Variants in RASGRF2 observed in about 807,000 individuals in gnomAD.
RASGRF2 encodes the protein Ras protein specific guanine nucleotide releasing factor 2.
Under a neutral mutation model 151.0 loss-of-function variants are expected in RASGRF2, and 76 were observed. That is an observed-to-expected ratio of 0.50 (90% CI 0.42 to 0.61). The LOEUF (loss-of-function observed/expected upper bound fraction) is 0.61. Ranked by LOEUF, RASGRF2 falls within the 20% of genes least tolerant of loss-of-function variation. The pLI, the probability that RASGRF2 is intolerant of heterozygous loss-of-function variation, is 0.00. For synonymous variants in RASGRF2, 504 were observed against 566.5 expected, an observed-to-expected ratio of 0.89 and a Z score of 1.57; for missense variants, 1,148 against 1,564.6, an observed-to-expected ratio of 0.73 and a Z score of 4.49.
chr5:81,049,680 C>G (rs1750948183), intron 2 of RASGRF2, among the ~76,000 whole-genome samples: 1 of 152,084 alleles, frequency 6.6e-6, no homozygotes, highest in Non-Finnish European at 1.5e-5. Context: ...TGCTAAATAC[C>G]ATGCTATGTG....
At chr5:81,186,651 A>T (rs1281028180) in intron 18 of RASGRF2, among the ~76,000 whole-genome samples, 1 of 152,190 alleles carries the variant, frequency 6.6e-6, no homozygotes, top group East Asian at 1.9e-4. Flanking sequence ...CACAATTAAC[A>T]AATAAATATA....
At chr5:81,193,622 T>A (rs1234795719) in intron 18 of RASGRF2, among the ~76,000 whole-genome samples, 4 of 152,320 alleles carry the variant, frequency 2.6e-5, no homozygotes, top group African/African-American at 9.6e-5. Flanking sequence ...TTCAAGTGCT[T>A]TTCCTGCCTC....
At chr5:81,171,427 C>T (rs1303178412) in intron 17 of RASGRF2, among the ~76,000 whole-genome samples, 1 of 152,070 alleles carries the variant, frequency 6.6e-6, no homozygotes, top group Non-Finnish European at 1.5e-5. Flanking sequence ...TAACTAATGC[C>T]CCATCAAGGA....
chr5:81,107,215 AT>A (rs1438013954), intron 12 of RASGRF2, among the ~76,000 whole-genome samples: 3 of 151,102 alleles, frequency 2.0e-5, no homozygotes, highest in East Asian at 3.9e-4. Flanking sequence ...AAAAAAAAAA[AT>A]CTCACTGTGG....
intron 15 of RASGRF2, among the ~76,000 whole-genome samples, chr5:81,116,080 T>TTTTTC (rs1753146777): frequency 9.5e-6 from 1 of 104,974 alleles, no homozygotes; most frequent in Non-Finnish European, 1.9e-5. Context: ...TTTTTTTTTT[T>TTTTTC]TTTTTTTTTT....
chr5:81,190,543 A>C (rs1241948642), intron 18 of RASGRF2, among the ~76,000 whole-genome samples: 1 of 152,250 alleles, frequency 6.6e-6, no homozygotes, highest in African/African-American at 2.4e-5. Context: ...CTCTCTGGAA[A>C]ATATGAAATG....
intron 1 of RASGRF2, among the ~76,000 whole-genome samples, chr5:80,990,813 T>C (rs929249687): frequency 1.3e-5 from 2 of 152,192 alleles, no homozygotes; most frequent in Non-Finnish European, 2.9e-5. Context: ...CAAATGTCCA[T>C]TGTACACTAG....
At chr5:81,081,466 G>A (rs888750697) in intron 7 of RASGRF2, among the ~76,000 whole-genome samples, 9 of 152,170 alleles carry the variant, frequency 5.9e-5, no homozygotes, top group African/African-American at 2.2e-4. Flanking sequence ...TTACCGTTAA[G>A]CGCCCAGAAG....
intron 1 of RASGRF2, among the ~76,000 whole-genome samples, chr5:81,035,779 A>G (rs940284782): frequency 2.0e-5 from 3 of 152,154 alleles, no homozygotes; most frequent in African/African-American, 7.2e-5. Flanking sequence ...TAAGGCATAC[A>G]GACAGTGGAT....
At chr5:81,174,302 A>G (rs1754724117) in intron 17 of RASGRF2, among the ~76,000 whole-genome samples, 1 of 152,232 alleles carries the variant, frequency 6.6e-6, no homozygotes, top group Admixed American at 6.5e-5. Context: ...TGTCATTAAT[A>G]TGGACATGTC....
At chr5:81,035,066 G>C (rs925317457) in intron 1 of RASGRF2, among the ~76,000 whole-genome samples, 2 of 152,062 alleles carry the variant, frequency 1.3e-5, no homozygotes, top group Non-Finnish European at 2.9e-5. Flanking sequence ...ATTCCTCAAG[G>C]ATCTAGAACT....
intron 18 of RASGRF2, among the ~76,000 whole-genome samples, chr5:81,195,481 A>G (rs532757225): frequency 1.3e-5 from 2 of 152,070 alleles, no homozygotes; most frequent in East Asian, 3.9e-4. Flanking sequence ...CCAATTCTGT[A>G]TTTTACATGC....
At chr5:81,216,404 G>GC (rs1755741630) in intron 24 of RASGRF2, among the ~76,000 whole-genome samples, 1 of 118,566 alleles carries the variant, frequency 8.4e-6, no homozygotes, top group Non-Finnish European at 1.9e-5. Flanking sequence ...CACACGCAGA[G>GC]AGAGAGAGAG....
chr5:81,049,118 C>T (rs1188921050), intron 2 of RASGRF2, among the ~76,000 whole-genome samples: 1 of 143,876 alleles, frequency 7.0e-6, no homozygotes, highest in Non-Finnish European at 1.5e-5. Context: ...ATATTTAATA[C>T]TTACTTTTGA....
intron 1 of RASGRF2, among the ~76,000 whole-genome samples, chr5:80,991,529 G>T (rs1283648968): frequency 6.6e-6 from 1 of 152,102 alleles, no homozygotes; most frequent in Non-Finnish European, 1.5e-5. Flanking sequence ...ACAGGACTTT[G>T]ACCTTTTTCA....
At chr5:81,070,618 G>T (rs1181190953) in intron 4 of RASGRF2, 37 bp downstream of exon 4, 1 of 1,522,438 alleles carries the variant, frequency 6.6e-7, no homozygotes. Flanking sequence ...TAGGAGCATG[G>T]TGACCAGTCG....
chr5:80,988,946 A>G (rs1469634822), intron 1 of RASGRF2, among the ~76,000 whole-genome samples: 5 of 152,098 alleles, frequency 3.3e-5, no homozygotes, highest in Non-Finnish European at 7.4e-5. Context: ...TTAAGGTGAC[A>G]TCCATTGAGC....
intron 1 of RASGRF2, among the ~76,000 whole-genome samples, chr5:80,963,891 T>G (rs1747641717): frequency 6.6e-6 from 1 of 152,208 alleles, no homozygotes; most frequent in Admixed American, 6.5e-5. Flanking sequence ...ATGATTTTTA[T>G]GCTTATTAGT....
intron 17 of RASGRF2, among the ~76,000 whole-genome samples, chr5:81,173,308 G>A (rs1053516715): frequency 1.3e-5 from 2 of 152,128 alleles, no homozygotes; most frequent in African/African-American, 2.4e-5. Context: ...AACCCGGGAG[G>A]CAGAGGTTGC....
Sources: gnomAD v4.1 joint callset for allele counts (sites outside exome capture counted in the v4.1 genomes callset) on GRCh38, gnomAD v4.1.1 for gene constraint, MANE v1.5 for transcripts, NCBI Gene and HGNC (gene_info 2026-07-23, HGNC 2026-07-21) for gene names.